CENPL: variants seen among roughly 807,000 people sequenced by gnomAD.
The protein encoded by CENPL is interphase centromere complex protein 33.
A neutral mutation model predicts 35.2 loss-of-function variants in CENPL; 20 were observed. The ratio of observed to expected loss-of-function variants is 0.57; its 90% confidence interval spans 0.40 to 0.83. The LOEUF is 0.83. Ranked by LOEUF, CENPL falls within the 40% of genes least tolerant of loss-of-function variation. The pLI is 0.00. For synonymous variants in CENPL, 140 were observed against 140.6 expected, an observed-to-expected ratio of 1.00 and a Z score of 0.03; for missense variants, 363 against 395.8, an observed-to-expected ratio of 0.92 and a Z score of 0.70.
At chr1:173,807,596 T>A in intron 3 of CENPL, 78 bp from the exon 4 acceptor site, 1 of 1,170,280 alleles carries the variant, frequency 8.5e-7, no homozygotes, top group Non-Finnish European at 1.2e-6. Flanking sequence ...TTAAAACATC[T>A]AATACAAATA....
intron 4 of CENPL, among the ~76,000 whole-genome samples, chr1:173,804,803 T>C (rs1650059968): frequency 6.6e-6 from 1 of 152,180 alleles, no homozygotes; most frequent in African/African-American, 2.4e-5. Flanking sequence ...AATTTTAAGT[T>C]ACATGACAAA....
chr1:173,818,461 C>T (rs1423700016), intron 2 of CENPL, among the ~76,000 whole-genome samples: 1 of 152,172 alleles, frequency 6.6e-6, no homozygotes, highest in East Asian at 1.9e-4. Context: ...CTATCTTAAG[C>T]GTCCTTTTCC....
chr1:173,819,858 AT>A (rs1233851068), intron 2 of CENPL, among the ~76,000 whole-genome samples: 1 of 136,748 alleles, frequency 7.3e-6, no homozygotes, highest in Non-Finnish European at 1.6e-5. Flanking sequence ...TGCCTGGCTA[AT>A]TTTTTGTTTG....
intron 2 of CENPL, among the ~76,000 whole-genome samples, chr1:173,817,315 A>T (rs9425421): frequency 6.6e-6 from 1 of 152,114 alleles, no homozygotes; most frequent in Non-Finnish European, 1.5e-5. Flanking sequence ...CAAGAAAAAA[A>T]CAAACAACCC....
chr1:173,800,889 A>T (rs1649683008), intron 5 of CENPL, among the ~76,000 whole-genome samples: 1 of 152,118 alleles, frequency 6.6e-6, no homozygotes, highest in Non-Finnish European at 1.5e-5. Context: ...CCCAAGAGTT[A>T]AAGGTTATAG....
At chr1:173,815,605 A>G (rs1651291882) in intron 2 of CENPL, among the ~76,000 whole-genome samples, 1 of 152,236 alleles carries the variant, frequency 6.6e-6, no homozygotes, top group South Asian at 2.1e-4. Context: ...ATCTCAATAG[A>G]TGCAGAAAAG....
At chr1:173,823,411 TG>T (rs1557850772) in intron 2 of CENPL, 1 of 101,196 alleles carries the variant, frequency 9.9e-6, no homozygotes, top group South Asian at 3.3e-4. Context: ...CATTGGGGGG[TG>T]GGGGGATGGG....
At chr1:173,800,582 T>A in intron 5 of CENPL, 63 bp from the exon 6 acceptor site, 1 of 671,006 alleles carries the variant, frequency 1.5e-6, no homozygotes. Context: ...ACAAAGCAGA[T>A]TGATATTTGA....
intron 3 of CENPL, among the ~76,000 whole-genome samples, chr1:173,809,594 TAA>T (rs573267648): frequency 9.0e-4 from 103 of 114,718 alleles, no homozygotes; most frequent in Admixed American, 3.0e-3. Context: ...AGACACTCTC[TAA>T]AAAAAAAAAA....
chr1:173,817,323 C>T (rs1409075346), intron 2 of CENPL, among the ~76,000 whole-genome samples: 1 of 152,144 alleles, frequency 6.6e-6, no homozygotes, highest in Non-Finnish European at 1.5e-5. Context: ...AAACAAACAA[C>T]CCCATCAAAA....
chr1:173,812,543 T>C (rs1571963055), intron 2 of CENPL, among the ~76,000 whole-genome samples: 1 of 151,966 alleles, frequency 6.6e-6, no homozygotes, highest in South Asian at 2.1e-4. Flanking sequence ...GAGTCTGGAG[T>C]GGACCTCCAG....
intron 2 of CENPL, among the ~76,000 whole-genome samples, chr1:173,819,327 C>G (rs1038371395): frequency 6.6e-6 from 1 of 151,972 alleles, no homozygotes; most frequent in Non-Finnish European, 1.5e-5. Flanking sequence ...TAGTGGCTCA[C>G]GCCTGTAATC....
At chr1:173,822,319 TC>T (rs1652032672) in intron 2 of CENPL, 1 of 152,192 alleles carries the variant, frequency 6.6e-6, no homozygotes, top group Non-Finnish European at 1.5e-5. Context: ...CCTCTGACAT[TC>T]CATTTTTTAG....
In CENPL at chr1:173,803,402, G is replaced by C; in HGVS notation, c.524C>G (p.Ser175Ter). 6.2e-7 allele frequency: 1 copy of C among 1,614,038 alleles called. No individual in the cohort carries two copies. The highest frequency in any genetic ancestry group is 8.5e-7 in the Non-Finnish European group (1 of 1,179,926). ...VFGDSLLETVSEDFTCLPLFL... is the reference protein window; with the variant it reads ...VFGDSLLETV ...TAAGGGCAGACAGGTGAAATCTTCT[G>C]AAACAGTCTCCAGAAGACTGTCTCC... Residue 175 changes from serine to a stop codon, truncating the protein, a stop_gained, in exon 5 of 6, where the codon TCA becomes TGA. Coordinates refer to ENST00000682279, the MANE Select transcript of CENPL (RefSeq NM_001387287.1). LOFTEE classifies it high-confidence loss of function.
intron 4 of CENPL, among the ~76,000 whole-genome samples, chr1:173,804,628 A>G (rs1650046916): frequency 1.3e-5 from 2 of 152,198 alleles, no homozygotes; most frequent in Non-Finnish European, 2.9e-5. Flanking sequence ...AGCCCTGTAT[A>G]TTCATGTTTG....
chr1:173,821,231 T>C (rs1469572729), intron 2 of CENPL, among the ~76,000 whole-genome samples: 1 of 152,208 alleles, frequency 6.6e-6, no homozygotes, highest in Non-Finnish European at 1.5e-5. Context: ...ATGAAGTAGA[T>C]CATGCTCCCA....
intron 4 of CENPL, among the ~76,000 whole-genome samples, chr1:173,805,039 C>A (rs561468227): frequency 6.6e-6 from 1 of 152,114 alleles, no homozygotes; most frequent in African/African-American, 2.4e-5. Flanking sequence ...TATCAAGAAA[C>A]GAAATTTAAT....
chr1:173,808,481 T>C (rs1172057785), intron 3 of CENPL: 2 of 151,954 alleles, frequency 1.3e-5, no homozygotes, highest in African/African-American at 4.8e-5. Flanking sequence ...AATAAAAAGA[T>C]ACTTGGGGGC....
rs140967704 is a variant in CENPL, at chr1:173,818,858, G to A, written c.-8+5068C>T. On this transcript the variant is annotated intron_variant, in intron 2 of 5. Coordinates refer to ENST00000682279, the MANE Select transcript of CENPL (RefSeq NM_001387287.1). ...TGAAACCATGCTTTATATTTCTCTT[G>A]TATAATTACCCAAATACAAGGCTGA... Among the ~76,000 whole-genome samples the A allele has an allele frequency of 2.8e-3, 427 of 152,186 alleles. 8 individuals carry two copies. Among genetic ancestry groups the A allele is most frequent in the Non-Finnish European group, 4.7e-4 (32 of 68,022 alleles).
Sources: gnomAD v4.1 joint callset for allele counts (sites outside exome capture counted in the v4.1 genomes callset) on GRCh38, gnomAD v4.1.1 for gene constraint, MANE v1.5 for transcripts, NCBI Gene and HGNC (gene_info 2026-07-23, HGNC 2026-07-21) for gene names.